The following PLCB1 variants were observed in gnomAD, a reference collection of about 807,000 sequenced individuals.
The protein encoded by PLCB1 is phospholipase C beta 1.
PLCB1 carries 46 observed loss-of-function variants against 161.8 expected under a neutral mutation model. The observed-to-expected ratio is 0.28, with a 90% confidence interval of 0.22 to 0.36. The LOEUF is 0.36. PLCB1 is among the 10% of genes least tolerant of loss of function. PLCB1 has a pLI of 1.00. For missense variants in PLCB1, 1,016 were observed against 1,472.5 expected (o/e 0.69, Z 5.07); for synonymous variants, 517 against 503.7 (o/e 1.03, Z -0.35).
At chr20:8,349,376 T>G (rs1241124729) in intron 2 of PLCB1, among the ~76,000 whole-genome samples, 5 of 152,224 alleles carry the variant, frequency 3.3e-5, no homozygotes, top group African/African-American at 9.7e-5. Context: ...TTTGCTAGCG[T>G]TCATGTATTT....
intron 2 of PLCB1, among the ~76,000 whole-genome samples, chr20:8,338,813 C>G (rs1985686858): frequency 6.6e-6 from 1 of 152,182 alleles, no homozygotes; most frequent in African/African-American, 2.4e-5. Flanking sequence ...TCTCCTACCC[C>G]TGCACGCACA....
At chr20:8,848,438 C>T (rs940986746) in intron 31 of PLCB1, among the ~76,000 whole-genome samples, 3 of 152,172 alleles carry the variant, frequency 2.0e-5, no homozygotes, top group African/African-American at 7.2e-5. Context: ...TGAGGCTCTC[C>T]AGGGGCCCTA....
chr20:8,444,857 G>A (rs1490491845), intron 3 of PLCB1, among the ~76,000 whole-genome samples: 1 of 151,800 alleles, frequency 6.6e-6, no homozygotes, highest in Non-Finnish European at 1.5e-5. Flanking sequence ...CTTTTGAGAA[G>A]TGTCTGTTTA....
chr20:8,349,864 G>A (rs1986124358), intron 2 of PLCB1, among the ~76,000 whole-genome samples: 1 of 151,898 alleles, frequency 6.6e-6, no homozygotes, highest in Admixed American at 6.6e-5. Context: ...AGTTGAAGAG[G>A]AAGAGAATCA....
Position 8,301,725 on chromosome 20 carries a change from A to T in PLCB1, c.178-69657A>T, listed in dbSNP as rs189231044. ...ACATCTAGGCACTAGGTATAAATTTAAAATGTGCAAATGCTTTGACCCAGT... is the reference window on the plus strand; with the variant it reads ...ACATCTAGGCACTAGGTATAAATTTTAAATGTGCAAATGCTTTGACCCAGT... On this transcript the variant is annotated intron_variant, in intron 2 of 31. Transcript: ENST00000338037. Among the ~76,000 whole-genome samples, 12 of 152,352 alleles carry T rather than the reference A, an allele frequency of 7.9e-5. No individual in the cohort carries two copies. The East Asian group carries it at 1.2e-3, about 15-fold the overall frequency.
intron 2 of PLCB1, among the ~76,000 whole-genome samples, chr20:8,309,053 A>C (rs1984268499): frequency 6.6e-6 from 1 of 152,048 alleles, no homozygotes; most frequent in South Asian, 2.1e-4. Flanking sequence ...AGTGTGGTTC[A>C]TGGGATCATC....
intron 1 of PLCB1, among the ~76,000 whole-genome samples, chr20:8,144,108 G>A (rs2051430347): frequency 6.6e-6 from 1 of 152,036 alleles, no homozygotes; most frequent in South Asian, 2.1e-4. Context: ...AAAGTATCCG[G>A]CCAGTTCACT....
chr20:8,137,931 A>G (rs191752190), intron 1 of PLCB1, among the ~76,000 whole-genome samples: 1 of 152,376 alleles, frequency 6.6e-6, no homozygotes, highest in African/African-American at 2.4e-5. Flanking sequence ...CAGCAACAAA[A>G]GTGACTTACA....
intron 3 of PLCB1, among the ~76,000 whole-genome samples, chr20:8,445,381 G>A (rs1054293339): frequency 1.3e-5 from 2 of 151,946 alleles, no homozygotes; most frequent in Non-Finnish European, 2.9e-5. Context: ...ATTTCTGAGG[G>A]CTCTGTTCTG....
At chr20:8,821,499 A>AAG (rs1985393883) in intron 31 of PLCB1, among the ~76,000 whole-genome samples, 2 of 1,426 alleles carry the variant, frequency 1.4e-3, no homozygotes, top group African/African-American at 3.2e-3. Flanking sequence ...AAAAAAAAAT[A>AAG]TGTATATATA....
At chr20:8,200,979 T>C (rs1410017441) in intron 2 of PLCB1, among the ~76,000 whole-genome samples, 1 of 152,148 alleles carries the variant, frequency 6.6e-6, no homozygotes, top group East Asian at 1.9e-4. Context: ...ATGACTTCTC[T>C]GCATATAATA....
At chr20:8,461,394 G>T (rs1256559563) in intron 3 of PLCB1, among the ~76,000 whole-genome samples, 1 of 152,094 alleles carries the variant, frequency 6.6e-6, no homozygotes, top group Non-Finnish European at 1.5e-5. Flanking sequence ...GATAATTTCT[G>T]ACAAGTCACT....
At chr20:8,453,072 C>G (rs1240119487) in intron 3 of PLCB1, among the ~76,000 whole-genome samples, 7 of 152,222 alleles carry the variant, frequency 4.6e-5, no homozygotes, top group African/African-American at 1.7e-4. Context: ...TCCTTATCTA[C>G]TTCTTTGTGA....
At chr20:8,715,072 T>C (rs6140701) in intron 12 of PLCB1, among the ~76,000 whole-genome samples, 28,336 of 152,120 alleles carry the variant, frequency 0.19, 3,095 homozygotes, top group East Asian at 0.41. Flanking sequence ...CTGTTACTTA[T>C]TCTTAGTACA....
At chr20:8,428,132 C>A (rs886830893) in intron 3 of PLCB1, among the ~76,000 whole-genome samples, 3 of 152,090 alleles carry the variant, frequency 2.0e-5, no homozygotes, top group Non-Finnish European at 2.9e-5. Flanking sequence ...TCAGGACATT[C>A]TCAGCAACAA....
At chr20:8,481,877 C>T (rs540829088) in intron 3 of PLCB1, among the ~76,000 whole-genome samples, 1 of 151,868 alleles carries the variant, frequency 6.6e-6, no homozygotes, top group African/African-American at 2.4e-5. Flanking sequence ...TTTCCCCAAG[C>T]TGGAGTTGAA....
At chr20:8,565,674 T>C (rs1039667157) in intron 3 of PLCB1, among the ~76,000 whole-genome samples, 2 of 151,892 alleles carry the variant, frequency 1.3e-5, no homozygotes, top group African/African-American at 4.8e-5. Context: ...AAGACTGGAG[T>C]AGCCATGTGA....
intron 31 of PLCB1, among the ~76,000 whole-genome samples, chr20:8,876,539 C>A (rs1489058164): frequency 6.6e-6 from 1 of 152,074 alleles, no homozygotes; most frequent in Non-Finnish European, 1.5e-5. Context: ...CTTTCTGTTC[C>A]CCTCACTCAA....
At chr20:8,522,175 T>G (rs1984377292) in intron 3 of PLCB1, among the ~76,000 whole-genome samples, 1 of 152,214 alleles carries the variant, frequency 6.6e-6, no homozygotes, top group Admixed American at 6.5e-5. Flanking sequence ...ACCTCAAGGC[T>G]AGACAGATAC....
Sources: gnomAD v4.1 joint callset for allele counts (sites outside exome capture counted in the v4.1 genomes callset) on GRCh38, gnomAD v4.1.1 for gene constraint, MANE v1.5 for transcripts, NCBI Gene and HGNC (gene_info 2026-07-23, HGNC 2026-07-21) for gene names.